The following SSBP2 variants were observed in gnomAD, a reference collection of about 807,000 sequenced individuals.
SSBP2 encodes the protein single stranded DNA binding protein 2, also known as single-stranded DNA-binding protein 2.
SSBP2 carries 17 observed loss-of-function variants against 61.8 expected under a neutral mutation model. The observed-to-expected ratio is 0.28, with a 90% CI of 0.19 to 0.41. The LOEUF (loss-of-function observed/expected upper bound fraction) is 0.41, where lower values mean the gene tolerates loss of function less well. SSBP2 is among the 10% of genes least tolerant of loss of function. SSBP2 has a pLI of 1.00. For synonymous variants in SSBP2, 139 were observed against 141.3 expected (o/e 0.98, Z 0.12); for missense variants, 310 against 458.7 (o/e 0.68, Z 2.96).
chr5:81,512,230 AGAAGTCCAGACTACTTTGATTT>A (rs1361665027), intron 5 of SSBP2, among the ~76,000 whole-genome samples: 5 of 152,250 alleles, frequency 3.3e-5, no homozygotes, highest in African/African-American at 1.2e-4. Flanking sequence ...ATTCAGTGGC[AGAAGTCCAGACTACTTTGATTT>A]GAATTCAAGC....
At chr5:81,486,364 T>C (rs1766381904) in intron 6 of SSBP2, among the ~76,000 whole-genome samples, 2 of 152,176 alleles carry the variant, frequency 1.3e-5, no homozygotes, top group South Asian at 4.1e-4. Context: ...ACCTAGGATA[T>C]GGAACCTAGG....
At chr5:81,459,127 T>G (rs542594836) in intron 10 of SSBP2, among the ~76,000 whole-genome samples, 1 of 152,286 alleles carries the variant, frequency 6.6e-6, no homozygotes, top group Admixed American at 6.5e-5. Context: ...TTACCCTAAT[T>G]CCTTATGTTT....
chr5:81,609,284 T>C (rs1388823908), intron 4 of SSBP2, among the ~76,000 whole-genome samples: 2 of 152,222 alleles, frequency 1.3e-5, no homozygotes, highest in Non-Finnish European at 2.9e-5. Context: ...TAGTGTTCCT[T>C]AAATATACCT....
chr5:81,656,662 G>A (rs1026134787), intron 1 of SSBP2, among the ~76,000 whole-genome samples: 5 of 150,686 alleles, frequency 3.3e-5, no homozygotes, highest in African/African-American at 1.2e-4. Flanking sequence ...TTTAAATAAT[G>A]AGCAAGGTAA....
At chr5:81,430,627 C>T (rs1762223653) in intron 15 of SSBP2, among the ~76,000 whole-genome samples, 1 of 152,102 alleles carries the variant, frequency 6.6e-6, no homozygotes, top group Non-Finnish European at 1.5e-5. Context: ...CATTGCATTG[C>T]TAATGTTTAA....
intron 4 of SSBP2, among the ~76,000 whole-genome samples, chr5:81,558,447 A>G (rs1447539488): frequency 6.6e-6 from 1 of 152,198 alleles, no homozygotes; most frequent in African/African-American, 2.4e-5. Context: ...ACAGAGAGAG[A>G]TATTTTATAT....
chr5:81,460,006 G>T (rs1449013474), intron 10 of SSBP2, among the ~76,000 whole-genome samples: 2 of 152,142 alleles, frequency 1.3e-5, no homozygotes, highest in African/African-American at 4.8e-5. Context: ...TTAAAATTAA[G>T]AGAAAAGCAG....
In SSBP2 at chr5:81,418,949, T is replaced by C. The variant is rs964650861; in HGVS notation, c.*1555A>G. 1 of 152,202 alleles carries C rather than the reference T, an allele frequency of 6.6e-6. No individual in the cohort carries two copies. Among genetic ancestry groups the C allele is most frequent in the Non-Finnish European group, 1.5e-5 (1 of 68,028 alleles). 9.4% of individuals were successfully genotyped at this position (152,202 alleles called of 1,614,324 possible). On this transcript the variant is annotated 3_prime_UTR_variant, in exon 17 of 17. Coordinates refer to ENST00000320672, the MANE Select transcript of SSBP2 (RefSeq NM_012446.5). ...AATGCTTTTCAAAGTCTCTAGAGTT[T>C]GGATTCATAGTTGGTATTTATCAAT... is the stretch of plus-strand genomic sequence containing the variant.
rs1580720310 is a variant in SSBP2, at chr5:81,452,101, G to C, written c.688-3276C>G. ...CTGCTATAAAAAACAAAGAAAGAAAGAAAAGAAATCATGGTTTATTTGGGA... is the reference window on the plus strand; with the variant it reads ...CTGCTATAAAAAACAAAGAAAGAAACAAAAGAAATCATGGTTTATTTGGGA... On this transcript the variant is annotated intron_variant, in intron 10 of 16. Coordinates refer to ENST00000320672, the MANE Select transcript of SSBP2 (RefSeq NM_012446.5). 2.0e-5 allele frequency among the ~76,000 whole-genome samples: 3 copies of C among 152,226 alleles called. No individual in the cohort carries two copies. In the South Asian group the frequency reaches 6.2e-4, roughly 32 times the overall value.
intron 4 of SSBP2, among the ~76,000 whole-genome samples, chr5:81,572,116 CTTTCACAGCA>C (rs1773885159): frequency 6.6e-6 from 1 of 152,106 alleles, no homozygotes; most frequent in African/African-American, 2.4e-5. Context: ...GGGCATTTTA[CTTTCACAGCA>C]TTTTGATGGC....
intron 4 of SSBP2, among the ~76,000 whole-genome samples, chr5:81,555,998 T>C (rs1581011972): frequency 6.6e-6 from 1 of 152,224 alleles, no homozygotes; most frequent in African/African-American, 2.4e-5. Flanking sequence ...AGATCTGATA[T>C]TCTAGTGCAA....
chr5:81,670,037 G>T (rs562403791), intron 1 of SSBP2, among the ~76,000 whole-genome samples: 1 of 152,110 alleles, frequency 6.6e-6, no homozygotes, highest in Admixed American at 6.6e-5. Flanking sequence ...GCCACAGAAT[G>T]CAGGATTTTT....
chr5:81,511,000 A>G (rs1283272248), intron 5 of SSBP2, among the ~76,000 whole-genome samples: 3 of 151,946 alleles, frequency 2.0e-5, no homozygotes, highest in Non-Finnish European at 4.4e-5. Flanking sequence ...AAGCTTCATC[A>G]CCAGCTACTC....
Position 81,451,707 on chromosome 5 carries a change from C to T in SSBP2, c.688-2882G>A, listed in dbSNP as rs1024124892. Among the ~76,000 whole-genome samples the T allele has an allele frequency of 3.9e-4, 59 of 152,360 alleles. 2 individuals are homozygous for T. The highest frequency in any genetic ancestry group is 1.3e-3 in the African/African-American group (53 of 41,586). ...CTCCCAAAGTGTTGGGATTTACAGG[C>T]GTGAGCCACTGTGCCTGGCCTCCTT... On this transcript the variant is annotated intron_variant, in intron 10 of 16. Transcript: ENST00000320672.
intron 5 of SSBP2, among the ~76,000 whole-genome samples, chr5:81,496,218 T>C (rs1428783396): frequency 6.6e-6 from 1 of 152,112 alleles, no homozygotes; most frequent in Non-Finnish European, 1.5e-5. Context: ...CTCACTCTGT[T>C]GCCCAAGCTG....
At chr5:81,519,852 T>C (rs1026140477) in intron 4 of SSBP2, among the ~76,000 whole-genome samples, 4 of 152,184 alleles carry the variant, frequency 2.6e-5, no homozygotes, top group African/African-American at 7.2e-5. Context: ...TGCCAGGAAT[T>C]GGTCTATTAA....
At chr5:81,485,165 C>T (rs1471139802) in intron 6 of SSBP2, among the ~76,000 whole-genome samples, 2 of 152,130 alleles carry the variant, frequency 1.3e-5, no homozygotes, top group Non-Finnish European at 2.9e-5. Flanking sequence ...AAGATCCCTT[C>T]TGAGAGTTGA....
intron 4 of SSBP2, among the ~76,000 whole-genome samples, chr5:81,552,265 T>A (rs1016501596): frequency 6.6e-6 from 1 of 152,158 alleles, no homozygotes; most frequent in African/African-American, 2.4e-5. Context: ...AGAATAAATA[T>A]CTATAGTTAA....
chr5:81,529,724 C>G (rs1358690342), intron 4 of SSBP2, among the ~76,000 whole-genome samples: 3 of 151,996 alleles, frequency 2.0e-5, no homozygotes, highest in Non-Finnish European at 4.4e-5. Flanking sequence ...ACAAAGGAAG[C>G]AATGATTTTG....
Sources: gnomAD v4.1 joint callset for allele counts (sites outside exome capture counted in the v4.1 genomes callset) on GRCh38, gnomAD v4.1.1 for gene constraint, MANE v1.5 for transcripts, NCBI Gene and HGNC (gene_info 2026-07-23, HGNC 2026-07-21) for gene names.